Variants in SYTL5 observed in about 807,000 individuals in gnomAD.
The protein encoded by SYTL5 is synaptotagmin like 5, also known as synaptotagmin-like protein 5.
Under a neutral mutation model 55.9 loss-of-function variants are expected in SYTL5, and 34 were observed. That is an observed-to-expected ratio of 0.61 (90% CI 0.46 to 0.81). SYTL5 has a LOEUF of 0.81. SYTL5 is among the 30% of genes least tolerant of loss of function. The pLI is 0.00. For synonymous variants in SYTL5, 221 were observed against 188.7 expected (o/e 1.17, Z -1.40); for missense variants, 637 against 546.7 (o/e 1.17, Z -1.65).
chrX:37,960,940 C>A, the SYTL5 span, among the ~76,000 whole-genome samples: 68 of 109,472 alleles, frequency 6.2e-4, no homozygotes, highest in East Asian at 0.016. Flanking sequence ...GGACTACAGG[C>A]GCCTGCCACC....
chrX:37,991,895 C>T, the SYTL5 span, among the ~76,000 whole-genome samples: 1 of 112,103 alleles, frequency 8.9e-6, no homozygotes, highest in Admixed American at 9.4e-5. Flanking sequence ...GGATTATTAG[C>T]TAGTGCTGTG....
chrX:37,958,859 C>G, the SYTL5 span, among the ~76,000 whole-genome samples: 1 of 112,373 alleles, frequency 8.9e-6, no homozygotes, highest in South Asian at 3.7e-4. Context: ...GGTCTTAGCA[C>G]GTCAAAACCC....
chrX:37,979,691 C>T, the SYTL5 span, among the ~76,000 whole-genome samples: 8 of 107,670 alleles, frequency 7.4e-5, no homozygotes, highest in African/African-American at 1.0e-4. Flanking sequence ...GGAGTGATGG[C>T]TCCTCCTAAC....
intron 3 of SYTL5, among the ~76,000 whole-genome samples, chrX:38,055,804 A>C (rs766052030): frequency 8.9e-6 from 1 of 111,882 alleles, no homozygotes; most frequent in Non-Finnish European, 1.9e-5. Flanking sequence ...ATGTTTTAAT[A>C]CTGGATTGAG....
chrX:37,927,922 A>G, the SYTL5 span, among the ~76,000 whole-genome samples: 5 of 112,214 alleles, frequency 4.5e-5, no homozygotes. Flanking sequence ...ATGGCCTGAA[A>G]ATATGGCTAA....
At chrX:38,057,034 G>T (rs1935808509) in intron 3 of SYTL5, among the ~76,000 whole-genome samples, 1 of 111,678 alleles carries the variant, frequency 9.0e-6, no homozygotes, top group Non-Finnish European at 1.9e-5. Context: ...TGCTTGTGGG[G>T]TATTTCTCAA....
the SYTL5 span, chrX:37,994,808 G>A: frequency 1.8e-5 from 2 of 110,462 alleles, no homozygotes; most frequent in Non-Finnish European, 3.8e-5. Context: ...AGCCATGCGG[G>A]ACTTCATCAG....
At position 38,128,516 on chromosome X, in the gene SYTL5, G is replaced by A. The variant is rs187165530; in HGVS notation, c.*1786G>A. The A allele has an allele frequency of 4.7e-4, 52 of 111,056 alleles. No individual in the cohort carries two copies. The highest frequency in any genetic ancestry group is 1.4e-3 in the East Asian group (5 of 3,559). The allele number at this position is 111,056 out of a possible 1,213,427, so 9.2% of individuals were successfully genotyped here. ...TAGTAACGGAGCTAGAATCATCTTCGGGCTTATTCCTGCTAGTTGTTCCAT... is the reference window on the plus strand; with the variant it reads ...TAGTAACGGAGCTAGAATCATCTTCAGGCTTATTCCTGCTAGTTGTTCCAT... On this transcript the variant is annotated 3_prime_UTR_variant, in exon 17 of 17. Transcript: ENST00000297875.
At chrX:38,076,475 A>G (rs2147431266) in intron 5 of SYTL5, 92 bp from the exon 6 acceptor site, 16 of 791,049 alleles carry the variant, frequency 2.0e-5, no homozygotes, top group Non-Finnish European at 2.8e-5. Flanking sequence ...AGAATCCTTT[A>G]TTATTAAAAG....
the SYTL5 span, among the ~76,000 whole-genome samples, chrX:37,933,353 C>T: frequency 3.4e-3 from 374 of 111,372 alleles, 3 homozygotes; most frequent in African/African-American, 0.011. Flanking sequence ...TTCCCATCCC[C>T]CTCTCTTCAG....
intron 3 of SYTL5, among the ~76,000 whole-genome samples, chrX:38,066,309 A>G (rs1936100583): frequency 9.0e-6 from 1 of 111,514 alleles, no homozygotes; most frequent in South Asian, 3.8e-4. Flanking sequence ...TTTCCCCTGT[A>G]AAACTATAGA....
intron 9 of SYTL5, among the ~76,000 whole-genome samples, chrX:38,096,982 A>G (rs1936953841): frequency 9.0e-6 from 1 of 111,609 alleles, no homozygotes; most frequent in African/African-American, 3.2e-5. Context: ...TACTAATTCC[A>G]ACATTATTAA....
chrX:37,934,975 A>G, the SYTL5 span, among the ~76,000 whole-genome samples: 1 of 111,377 alleles, frequency 9.0e-6, no homozygotes, highest in Non-Finnish European at 1.9e-5. Flanking sequence ...CACAAATTCA[A>G]TAAAAGATAT....
At chrX:38,076,797 C>A in intron 6 of SYTL5, 96 bp downstream of exon 6, 1 of 929,375 alleles carries the variant, frequency 1.1e-6, no homozygotes, top group Non-Finnish European at 1.5e-6. Flanking sequence ...GAAATATTAC[C>A]ACTTGGAGAA....
chrX:38,109,893 C>A (rs1937316258), intron 12 of SYTL5, among the ~76,000 whole-genome samples: 1 of 111,402 alleles, frequency 9.0e-6, no homozygotes, highest in Non-Finnish European at 1.9e-5. Context: ...TTCTCATTGT[C>A]AATCCTTTTC....
In SYTL5 at chrX:38,110,234, G is replaced by C. The variant is rs1937324352; in HGVS notation, c.1435-87G>C. The C allele has an allele frequency of 1.2e-5, 8 of 670,208 alleles. No homozygotes were observed. In the South Asian group the frequency reaches 4.1e-4, roughly 35 times the overall value. 55.2% of individuals were successfully genotyped at this position (670,208 alleles called of 1,213,427 possible). On this transcript the variant is annotated intron_variant, in intron 12 of 16. Coordinates refer to ENST00000297875, the MANE Select transcript of SYTL5 (RefSeq NM_138780.3). ...TTCATATTACTGATGCATATGATCT[G>C]AAAGATGTTGGAAGTAAATTTCGAC...
At chrX:38,011,459 G>A (rs1261992800) in intron 1 of SYTL5, among the ~76,000 whole-genome samples, 2 of 107,237 alleles carry the variant, frequency 1.9e-5, no homozygotes, top group African/African-American at 3.4e-5. Context: ...GTGAAACCCC[G>A]TCTCTACTAA....
the SYTL5 span, among the ~76,000 whole-genome samples, chrX:37,971,531 CAAT>C: frequency 1.4e-4 from 15 of 109,214 alleles, no homozygotes; most frequent in African/African-American, 4.0e-4. Context: ...ACAACAACAA[CAAT>C]AACAACAACA....
At chrX:37,996,239 C>T in the SYTL5 span, among the ~76,000 whole-genome samples, 1 of 112,076 alleles carries the variant, frequency 8.9e-6, no homozygotes, top group African/African-American at 3.3e-5. Context: ...TAGCTTCAGA[C>T]TAATGCATCA....
Sources: allele counts gnomAD v4.1 joint callset (sites outside exome capture counted in the v4.1 genomes callset), GRCh38; gene constraint gnomAD v4.1.1; transcripts MANE v1.5; gene names NCBI Gene and HGNC (gene_info 2026-07-23, HGNC 2026-07-21).